EPHX4: variants seen among roughly 807,000 people sequenced by gnomAD.
EPHX4 encodes epoxide hydrolase 4.
In EPHX4, 31 loss-of-function variants were observed where a neutral mutation model predicts 44.9. The observed-to-expected ratio is 0.69, with a 90% CI of 0.52 to 0.93. The LOEUF (loss-of-function observed/expected upper bound fraction) is 0.93. Among genes scored for constraint, EPHX4 ranks in the 40% least tolerant of loss-of-function variants. The pLI is 0.00. For synonymous variants in EPHX4, 151 were observed against 159.7 expected (o/e 0.95, Z 0.41); for missense variants, 373 against 438.1 (o/e 0.85, Z 1.33).
chr1:92,047,819 A>G (rs745638934), intron 4 of EPHX4, among the ~76,000 whole-genome samples: 1 of 152,208 alleles, frequency 6.6e-6, no homozygotes, highest in Non-Finnish European at 1.5e-5. Flanking sequence ...TAATATTGCT[A>G]TGAAATAGTT....
chr1:92,053,055 C>G (rs1375876307), intron 6 of EPHX4, among the ~76,000 whole-genome samples: 1 of 152,164 alleles, frequency 6.6e-6, no homozygotes, highest in African/African-American at 2.4e-5. Flanking sequence ...GGTCTCTGAT[C>G]TCACAAAACT....
chr1:92,060,643 G>A (rs983549456), intron 6 of EPHX4, among the ~76,000 whole-genome samples: 2 of 151,708 alleles, frequency 1.3e-5, no homozygotes, highest in Non-Finnish European at 2.9e-5. Context: ...AGGTAGCCGG[G>A]TGCGATGGCT....
chr1:92,055,865 G>A (rs945130388), intron 6 of EPHX4, among the ~76,000 whole-genome samples: 2 of 152,042 alleles, frequency 1.3e-5, no homozygotes, highest in African/African-American at 2.4e-5. Context: ...AGAACAGTAC[G>A]TTGTAAGTAT....
In EPHX4 at chr1:92,030,261, C is replaced by G. The variant is rs760048168; in HGVS notation, c.182C>G (p.Ala61Gly). The G allele has an allele frequency of 1.1e-5, 17 of 1,601,300 alleles. No individual in the cohort carries two copies. In the South Asian group the frequency reaches 1.7e-4, roughly 16 times the overall value. The change falls in exon 1 of 7, where the codon GCG (alanine) becomes GGG (glycine). Residue 61 changes from alanine to glycine, a missense_variant. Ala to Gly is a moderately conservative substitution (Grantham distance 60). Transcript: ENST00000370383. ...FRRPAREHPP[A>G]CLSDPSLGTH... ...CGGCCCGCCCGGGAGCACCCTCCCG[C>G]GTGCCTGAGCGACCCCTCCTTGGGC...
chr1:92,043,411 T>C (rs559185884), intron 3 of EPHX4: 1 of 146,398 alleles, frequency 6.8e-6, no homozygotes, highest in African/African-American at 2.6e-5. Context: ...GCTAAGATCG[T>C]GCCGTTGCAC....
chr1:92,031,215 A>G (rs1688355822), intron 1 of EPHX4, among the ~76,000 whole-genome samples: 1 of 152,204 alleles, frequency 6.6e-6, no homozygotes, highest in Admixed American at 6.5e-5. Flanking sequence ...AACAAACACG[A>G]AAAACTTAGA....
At chr1:92,051,817 G>A (rs1357439793) in intron 5 of EPHX4, among the ~76,000 whole-genome samples, 1 of 151,992 alleles carries the variant, frequency 6.6e-6, no homozygotes, top group African/African-American at 2.4e-5. Flanking sequence ...TCATAGCCTA[G>A]GCCCATTATT....
rs545194032 is a variant in EPHX4 at position 92,046,609 on chromosome 1, A to G, written c.604+949A>G. On this transcript the variant is annotated intron_variant, in intron 4 of 6. Transcript: ENST00000370383. ...CTCCCGAGTAGCTGGGACTACAGAC[A>G]CCCGCCACCATGCTTGGCTAATTTT... Among the ~76,000 whole-genome samples the G allele has an allele frequency of 4.0e-5, 6 of 151,894 alleles. No individual in the cohort carries two copies. In the East Asian group the frequency reaches 1.2e-3, roughly 29 times the overall value.
chr1:92,053,860 C>A (rs896675123), intron 6 of EPHX4, among the ~76,000 whole-genome samples: 7 of 152,034 alleles, frequency 4.6e-5, no homozygotes, highest in African/African-American at 1.7e-4. Flanking sequence ...CTTAGATATT[C>A]AAATACACCG....
In EPHX4 at chr1:92,045,413, G is replaced by A. The variant is rs138525166; in HGVS notation, c.476-119G>A. On this transcript the variant is annotated intron_variant, in intron 3 of 6. Coordinates refer to ENST00000370383, the MANE Select transcript of EPHX4 (RefSeq NM_173567.5). ...ACTGAATTCAATATCTGCACAAAGT[G>A]CATAATTAGGATAAGATAATGAAAA... The A allele has an allele frequency of 1.1e-3, 1,364 of 1,263,368 alleles. 1 individual carries two copies. The highest frequency in any genetic ancestry group is 1.4e-3 in the Non-Finnish European group (1,286 of 907,714). The allele number at this position is 1,263,368 out of a possible 1,614,324, so 78.3% of individuals were successfully genotyped here. A position where few individuals can be genotyped will look rare whatever the true frequency, so the allele number is the denominator to read the frequency against.
At chr1:92,056,250 G>A (rs1647362747) in intron 6 of EPHX4, among the ~76,000 whole-genome samples, 1 of 152,062 alleles carries the variant, frequency 6.6e-6, no homozygotes, top group South Asian at 2.1e-4. Context: ...ATAAGGTATA[G>A]TACATTATAG....
At chr1:92,034,101 G>T (rs1688400960) in intron 2 of EPHX4, among the ~76,000 whole-genome samples, 1 of 141,924 alleles carries the variant, frequency 7.0e-6, no homozygotes, top group Non-Finnish European at 1.5e-5. Context: ...AACCATCCTG[G>T]CTAACACGGT....
chr1:92,033,125 G>A (rs1410787002), intron 2 of EPHX4, among the ~76,000 whole-genome samples: 1 of 148,948 alleles, frequency 6.7e-6, no homozygotes, highest in Non-Finnish European at 1.5e-5. Flanking sequence ...ATATTGCCTA[G>A]GCTGGTCTTG....
chr1:92,035,710 G>A lies in EPHX4; in HGVS notation c.317+3120G>A, dbSNP rs141024978. 1.1e-4 allele frequency among the ~76,000 whole-genome samples: 16 copies of A among 152,164 alleles called. No homozygotes were observed. The East Asian group carries it at 1.5e-3, about 15-fold the overall frequency. On this transcript the variant is annotated intron_variant, in intron 2 of 6. Transcript: ENST00000370383. ...GGTGGTTTTCTGCAACTATCAACCCGTCATGTAGGTATTAAGTCCAGCATT... is the reference window on the plus strand; with the variant it reads ...GGTGGTTTTCTGCAACTATCAACCCATCATGTAGGTATTAAGTCCAGCATT...
intron 1 of EPHX4, among the ~76,000 whole-genome samples, chr1:92,031,976 GAGA>G (rs1370977552): frequency 6.6e-6 from 1 of 152,158 alleles, no homozygotes; most frequent in Non-Finnish European, 1.5e-5. Context: ...CTAAAAATAA[GAGA>G]AGGAGGTGTG....
chr1:92,063,373 GA>G lies in EPHX4; in HGVS notation c.*94del, dbSNP rs990815543. The G allele has an allele frequency of 2.9e-6, 3 of 1,034,524 alleles. No individual in the cohort carries two copies. The highest frequency in any genetic ancestry group is 2.7e-6 in the Non-Finnish European group (2 of 743,042). The allele number at this position is 1,034,524 out of a possible 1,614,324, so 64.1% of individuals were successfully genotyped here. A position where few individuals can be genotyped will look rare whatever the true frequency, so the allele number is the denominator to read the frequency against. On this transcript the variant is annotated 3_prime_UTR_variant, in exon 7 of 7. Coordinates refer to ENST00000370383, the MANE Select transcript of EPHX4 (RefSeq NM_173567.5). ...TCATCAACTTCTTTATGTTTTATTA[GA>G]AAAAAACTGTTTTAATGTGCTTTAT...
intron 3 of EPHX4, 43 bp from the exon 4 acceptor site, chr1:92,045,489 C>T (rs772970054): frequency 2.5e-6 from 4 of 1,609,922 alleles, no homozygotes; most frequent in Non-Finnish European, 3.4e-6. Context: ...GTGCACCCAC[C>T]TGTTTCTTTT....
chr1:92,056,457 A>G (rs1647374683), intron 6 of EPHX4, among the ~76,000 whole-genome samples: 1 of 152,162 alleles, frequency 6.6e-6, no homozygotes, highest in Non-Finnish European at 1.5e-5. Context: ...TGACAGTCTT[A>G]CAAGAAAAAA....
intron 6 of EPHX4, among the ~76,000 whole-genome samples, chr1:92,054,271 G>T (rs1264477800): frequency 6.6e-6 from 1 of 152,088 alleles, no homozygotes; most frequent in Admixed American, 6.5e-5. Context: ...TCCCACAGAT[G>T]AAGTCCCCTA....
Sources: allele counts gnomAD v4.1 joint callset (sites outside exome capture counted in the v4.1 genomes callset), GRCh38; gene constraint gnomAD v4.1.1; transcripts MANE v1.5; gene names NCBI Gene and HGNC (gene_info 2026-07-23, HGNC 2026-07-21).